MEIS2: variants seen among roughly 807,000 people sequenced by gnomAD.
MEIS2 encodes the protein Meis homeobox 2, also known as homeobox protein Meis2.
In MEIS2, 9 loss-of-function variants were observed where a neutral mutation model predicts 58.6. The observed-to-expected ratio is 0.15, with a 90% CI of 0.09 to 0.27. The LOEUF (loss-of-function observed/expected upper bound fraction) is 0.27. Ranked by LOEUF, MEIS2 falls within the 10% of genes least tolerant of loss-of-function variation. The pLI is 1.00. For missense variants in MEIS2, 427 were observed against 635.0 expected, an observed-to-expected ratio of 0.67 and a Z score of 3.52; for synonymous variants, 221 against 228.4, an observed-to-expected ratio of 0.97 and a Z score of 0.29.
intron 7 of MEIS2, among the ~76,000 whole-genome samples, chr15:37,056,719 A>G (rs914100951): frequency 7.2e-5 from 11 of 152,186 alleles, no homozygotes; most frequent in African/African-American, 2.7e-4. Flanking sequence ...GCCCTCCTTG[A>G]AATCCACCAT....
At chr15:37,091,579 G>A (rs544324163) in intron 6 of MEIS2, among the ~76,000 whole-genome samples, 1 of 152,308 alleles carries the variant, frequency 6.6e-6, no homozygotes, top group South Asian at 2.1e-4. Flanking sequence ...ATCCAAAGAT[G>A]ATGATTGATA....
intron 6 of MEIS2, among the ~76,000 whole-genome samples, chr15:37,085,983 T>A (rs1349222734): frequency 6.6e-6 from 1 of 152,104 alleles, no homozygotes; most frequent in Non-Finnish European, 1.5e-5. Context: ...AATAGCATGG[T>A]GTGAGTTTAG....
rs1350860684 is a variant in MEIS2 at position 36,892,038 on chromosome 15, T to C, written c.*135A>G. On this transcript the variant is annotated 3_prime_UTR_variant, in exon 12 of 12. Coordinates refer to ENST00000561208, the MANE Select transcript of MEIS2 (RefSeq NM_170675.5). Reference sequence around the variant, plus strand: ...CTTGTTGCATTGGTCCTCTGTTGCTTGATGAAAAATGACAAAAGTAAAAAA... The same window carrying C: ...CTTGTTGCATTGGTCCTCTGTTGCTCGATGAAAAATGACAAAAGTAAAAAA... 6 of 943,592 alleles carry C rather than the reference T, an allele frequency of 6.4e-6. No individual in the cohort carries two copies. The Admixed American group carries it at 1.1e-4, about 17-fold the overall frequency. The allele number at this position is 943,592 out of a possible 1,614,324, so 58.5% of individuals were successfully genotyped here.
chr15:36,895,278 G>A lies in MEIS2; in HGVS notation c.1037-17C>T, dbSNP rs764041155. The A allele has an allele frequency of 2.5e-6, 4 of 1,596,688 alleles. No homozygotes were observed. Among genetic ancestry groups the A allele is most frequent in the South Asian group, 1.1e-5 (1 of 90,484 alleles). ...GAAGAAAACCTGATTGTGGTCATTC[G>A]AGGACACAGAGGAGAAAGAAGAAAA... is the stretch of plus-strand genomic sequence containing the variant. On this transcript the variant is annotated splice_polypyrimidine_tract_variant and intron_variant, in intron 10 of 11. Coordinates refer to ENST00000561208, the MANE Select transcript of MEIS2 (RefSeq NM_170675.5).
intron 7 of MEIS2, among the ~76,000 whole-genome samples, chr15:37,058,191 T>C (rs1888703915): frequency 6.6e-6 from 1 of 152,128 alleles, no homozygotes; most frequent in African/African-American, 2.4e-5. Context: ...GTGCATGGGC[T>C]TAATTCCCTG....
At position 37,055,361 on chromosome 15, in the gene MEIS2, C is replaced by T. The variant is rs1347465352; in HGVS notation, c.755-18402G>A. On this transcript the variant is annotated intron_variant, in intron 7 of 11. Coordinates refer to ENST00000561208, the MANE Select transcript of MEIS2 (RefSeq NM_170675.5). ...AGAACAGTGCCTGGCACATCATAGG[C>T]ACTGATGAAATACTTGTTAGAAATA... Among the ~76,000 whole-genome samples, 10 of 152,272 alleles carry T rather than the reference C, an allele frequency of 6.6e-5. No homozygotes were observed. The South Asian group carries it at 1.7e-3, about 25-fold the overall frequency.
chr15:36,943,121 T>C (rs1419413367), intron 9 of MEIS2, among the ~76,000 whole-genome samples: 1 of 152,150 alleles, frequency 6.6e-6, no homozygotes, highest in Non-Finnish European at 1.5e-5. Flanking sequence ...ATGGGATAAT[T>C]GTGTAATATT....
chr15:37,095,985 C>T (rs1436990250), intron 3 of MEIS2: 2 of 441,658 alleles, frequency 4.5e-6, no homozygotes, highest in African/African-American at 2.0e-5. Context: ...CAGCCCCTCT[C>T]CCCAATTCTT....
intron 8 of MEIS2, among the ~76,000 whole-genome samples, chr15:36,997,680 G>A (rs12915927): frequency 0.75 from 113,270 of 151,754 alleles, 45,558 homozygotes; most frequent in Non-Finnish European, 0.91. Context: ...ACGGGGTTTC[G>A]CCGTGTTAGC....
At chr15:36,985,289 G>A (rs1035551539) in intron 8 of MEIS2, among the ~76,000 whole-genome samples, 10 of 152,176 alleles carry the variant, frequency 6.6e-5, no homozygotes, top group African/African-American at 2.4e-4. Flanking sequence ...ATTTTCTACA[G>A]GATCAGTTCT....
chr15:37,011,437 T>C (rs1332963312), intron 8 of MEIS2, among the ~76,000 whole-genome samples: 1 of 152,130 alleles, frequency 6.6e-6, no homozygotes, highest in Non-Finnish European at 1.5e-5. Flanking sequence ...CAAATGTATA[T>C]AGATGCAGAG....
chr15:37,064,146 T>G (rs1179946389), intron 7 of MEIS2, among the ~76,000 whole-genome samples: 1 of 152,124 alleles, frequency 6.6e-6, no homozygotes, highest in Non-Finnish European at 1.5e-5. Flanking sequence ...TAAAATAACA[T>G]ATTTTAAAAC....
At chr15:36,963,800 T>G (rs1595822502) in intron 8 of MEIS2, among the ~76,000 whole-genome samples, 1 of 152,222 alleles carries the variant, frequency 6.6e-6, no homozygotes, top group African/African-American at 2.4e-5. Context: ...GAAATTAGCA[T>G]TTTGGCATTT....
intron 6 of MEIS2, among the ~76,000 whole-genome samples, chr15:37,086,404 A>G (rs1892886414): frequency 6.6e-6 from 1 of 152,214 alleles, no homozygotes; most frequent in Non-Finnish European, 1.5e-5. Context: ...TTTCAATGGT[A>G]TCTGAAGGAG....
At chr15:37,068,215 A>G (rs944001262) in intron 7 of MEIS2, among the ~76,000 whole-genome samples, 1 of 152,148 alleles carries the variant, frequency 6.6e-6, no homozygotes, top group African/African-American at 2.4e-5. Flanking sequence ...CAAAGTTATG[A>G]GCATTTGAGT....
At chr15:37,077,897 A>G (rs552400570) in intron 7 of MEIS2, among the ~76,000 whole-genome samples, 23 of 152,126 alleles carry the variant, frequency 1.5e-4, no homozygotes, top group Admixed American at 2.6e-4. Flanking sequence ...GATGAACTGC[A>G]TCTAACACGC....
At chr15:36,961,387 A>G (rs971943540) in intron 8 of MEIS2, among the ~76,000 whole-genome samples, 1 of 152,108 alleles carries the variant, frequency 6.6e-6, no homozygotes, top group African/African-American at 2.4e-5. Context: ...ATATCTACGG[A>G]CTAAACATTC....
intron 8 of MEIS2, among the ~76,000 whole-genome samples, chr15:36,956,994 A>G (rs1002713695): frequency 2.0e-5 from 3 of 152,100 alleles, no homozygotes; most frequent in Admixed American, 6.5e-5. Flanking sequence ...TAATTTCTAT[A>G]GCAATACAGA....
rs1018906546 is a variant in MEIS2, at chr15:37,092,696, C to CTTTT, written c.639+881_639+884dup. ...CAAATTTTCAGTCTCACTACATATG[C>CTTTT]TTTTTTTTTTTTTTTTTTTTTTTTT... On this transcript the variant is annotated intron_variant, in intron 6 of 11. Coordinates refer to ENST00000561208, the MANE Select transcript of MEIS2 (RefSeq NM_170675.5). Among the ~76,000 whole-genome samples the CTTTT allele has an allele frequency of 3.1e-4, 12 of 38,728 alleles. 4 individuals carry two copies. The highest frequency in any genetic ancestry group is 6.0e-4 in the Non-Finnish European group (12 of 20,142). 25.4% of individuals were successfully genotyped at this position (38,728 alleles called of 152,430 possible). A position where few individuals can be genotyped will look rare whatever the true frequency, so the allele number is the denominator to read the frequency against.
Sources: gnomAD v4.1 joint callset for allele counts (sites outside exome capture counted in the v4.1 genomes callset) on GRCh38, gnomAD v4.1.1 for gene constraint, MANE v1.5 for transcripts, NCBI Gene and HGNC (gene_info 2026-07-23, HGNC 2026-07-21) for gene names.